CD96: variants seen among roughly 807,000 people sequenced by gnomAD.
The protein encoded by CD96 is CD96 molecule.
A neutral mutation model predicts 71.3 loss-of-function variants in CD96; 70 were observed. The ratio of observed to expected loss-of-function variants is 0.98; its 90% CI spans 0.81 to 1.20. The LOEUF is 1.20. Ranked by LOEUF, CD96 falls within the 50% of genes most tolerant of loss-of-function variation. The pLI is 0.00. For missense variants in CD96, 742 were observed against 677.5 expected (o/e 1.10, Z -1.06); for synonymous variants, 248 against 233.0 (o/e 1.06, Z -0.59).
intron 12 of CD96, among the ~76,000 whole-genome samples, chr3:111,644,172 T>TA (rs1939721484): frequency 6.6e-6 from 1 of 151,800 alleles, no homozygotes; most frequent in African/African-American, 2.4e-5. Flanking sequence ...CCCAAATACT[T>TA]ACAGCCAACT....
intron 10 of CD96, among the ~76,000 whole-genome samples, chr3:111,627,329 C>T (rs1373585805): frequency 2.0e-5 from 3 of 152,264 alleles, no homozygotes; most frequent in Middle Eastern, 3.4e-3. Context: ...AAAGTCCAAA[C>T]GGAACAGAGC....
intron 7 of CD96, among the ~76,000 whole-genome samples, chr3:111,602,514 T>C (rs1937520686): frequency 6.6e-6 from 1 of 152,148 alleles, no homozygotes; most frequent in Non-Finnish European, 1.5e-5. Flanking sequence ...CTTTAGGAGT[T>C]CAGTTTCTCA....
At chr3:111,656,614 A>G (rs543393900), downstream of CD96, among the ~76,000 whole-genome samples, 1 of 152,294 alleles carries the variant, frequency 6.6e-6, no homozygotes, top group African/African-American at 2.4e-5. Context: ...TAAATGTCCA[A>G]TATAGGAGAT....
intron 10 of CD96, among the ~76,000 whole-genome samples, chr3:111,626,404 G>T (rs1190741651): frequency 6.6e-6 from 1 of 150,854 alleles, no homozygotes; most frequent in Non-Finnish European, 1.5e-5. Context: ...TATGTAATCA[G>T]TTTACAAAAA....
intron 1 of CD96, among the ~76,000 whole-genome samples, chr3:111,543,475 A>G (rs1934213552): frequency 6.6e-6 from 1 of 152,184 alleles, no homozygotes; most frequent in African/African-American, 2.4e-5. Flanking sequence ...GGTCCTTTCA[A>G]TCCTTGTATA....
At chr3:111,603,192 A>G (rs755688296) in intron 7 of CD96, among the ~76,000 whole-genome samples, 1 of 152,222 alleles carries the variant, frequency 6.6e-6, no homozygotes, top group Non-Finnish European at 1.5e-5. Context: ...CTGCAATCCC[A>G]GAACTTTGGG....
At chr3:111,652,660 T>TAGAGTGAGC (rs1365268351), downstream of CD96, among the ~76,000 whole-genome samples, 4 of 152,172 alleles carry the variant, frequency 2.6e-5, no homozygotes, top group Non-Finnish European at 5.9e-5. Context: ...ACCACTTGAA[T>TAGAGTGAGC]AGAGTGAGCG....
chr3:111,640,637 A>G (rs1266913827), intron 12 of CD96, among the ~76,000 whole-genome samples: 1 of 152,218 alleles, frequency 6.6e-6, no homozygotes, highest in African/African-American at 2.4e-5. Context: ...AGCACAAAGA[A>G]CACCTGGGAA....
chr3:111,577,461 A>G, intron 3 of CD96: 4 of 1,431,218 alleles, frequency 2.8e-6, no homozygotes, highest in Non-Finnish European at 3.9e-6. Flanking sequence ...TATCTCTGTA[A>G]TACAGTCTTT....
At chr3:111,617,664 G>T (rs1414942601) in intron 8 of CD96, among the ~76,000 whole-genome samples, 1 of 152,198 alleles carries the variant, frequency 6.6e-6, no homozygotes, top group Non-Finnish European at 1.5e-5. Context: ...GAGCTGTTCT[G>T]TGGCTCAGTG....
chr3:111,563,839 A>T (rs577613783), intron 2 of CD96, among the ~76,000 whole-genome samples: 106 of 152,334 alleles, frequency 7.0e-4, no homozygotes, highest in African/African-American at 2.5e-3. Flanking sequence ...TTTGAAATGT[A>T]TTCTATTGGA....
At chr3:111,631,733 C>A (rs577132779) in intron 10 of CD96, among the ~76,000 whole-genome samples, 1 of 152,178 alleles carries the variant, frequency 6.6e-6, no homozygotes, top group African/African-American at 2.4e-5. Flanking sequence ...AACTATACTG[C>A]AGGGCTATAG....
chr3:111,610,419 C>T (rs1005156039), intron 8 of CD96, among the ~76,000 whole-genome samples: 5 of 152,084 alleles, frequency 3.3e-5, no homozygotes, highest in African/African-American at 7.2e-5. Flanking sequence ...GGTTTCATTC[C>T]GAATTCTAAG....
chr3:111,571,817 T>C (rs1015593341), intron 3 of CD96, among the ~76,000 whole-genome samples: 12 of 152,234 alleles, frequency 7.9e-5, no homozygotes, highest in African/African-American at 2.4e-4. Flanking sequence ...ATTCAGCCAG[T>C]CTATTAAACC....
intron 8 of CD96, among the ~76,000 whole-genome samples, chr3:111,619,801 C>G (rs1938432345): frequency 6.6e-6 from 1 of 152,220 alleles, no homozygotes; most frequent in South Asian, 2.1e-4. Flanking sequence ...ACAGAATCTC[C>G]AGGTCAGGTT....
intron 6 of CD96, among the ~76,000 whole-genome samples, chr3:111,600,288 G>C (rs1245789655): frequency 1.3e-5 from 2 of 152,170 alleles, no homozygotes; most frequent in African/African-American, 4.8e-5. Flanking sequence ...GTCCAAAACG[G>C]AGTCCCAACT....
chr3:111,650,965 A>T lies in CD96; in HGVS notation c.*1159A>T, dbSNP rs1339856534. 2 of 152,226 alleles carry T rather than the reference A, an allele frequency of 1.3e-5. No individual in the cohort carries two copies. The highest frequency in any genetic ancestry group is 4.8e-5 in the African/African-American group (2 of 41,450). 9.4% of individuals were successfully genotyped at this position (152,226 alleles called of 1,614,324 possible). A position where few individuals can be genotyped will look rare whatever the true frequency, so the allele number is the denominator to read the frequency against. ...AATTCTGTGTGGACTTTAGTCCCAA[A>T]AGGAAACTTTAGTTCACTTGCAGTA... is the stretch of plus-strand genomic sequence containing the variant. On this transcript the variant is annotated 3_prime_UTR_variant, in exon 14 of 14. Coordinates refer to ENST00000352690, the MANE Select transcript of CD96 (RefSeq NM_005816.5).
chr3:111,561,408 T>G (rs1453129729), intron 2 of CD96, among the ~76,000 whole-genome samples: 2 of 142,954 alleles, frequency 1.4e-5, no homozygotes, highest in Non-Finnish European at 3.1e-5. Context: ...CCTTTCTGTT[T>G]GTTAGTTTTC....
At chr3:111,568,468 A>T (rs1173564788) in intron 3 of CD96, among the ~76,000 whole-genome samples, 1 of 152,220 alleles carries the variant, frequency 6.6e-6, no homozygotes, top group African/African-American at 2.4e-5. Flanking sequence ...TAAGTTGCTT[A>T]ACATGCTTAA....
Sources: gnomAD v4.1 joint callset for allele counts (sites outside exome capture counted in the v4.1 genomes callset) on GRCh38, gnomAD v4.1.1 for gene constraint, MANE v1.5 for transcripts, NCBI Gene and HGNC (gene_info 2026-07-23, HGNC 2026-07-21) for gene names.